ADAMTS19: variants seen among roughly 807,000 people sequenced by gnomAD.
ADAMTS19 encodes ADAM metallopeptidase with thrombospondin type 1 motif 19, also known as A disintegrin and metalloproteinase with thrombospondin motifs 19.
In ADAMTS19, 93 loss-of-function variants were observed where a neutral mutation model predicts 153.3. The ratio of observed to expected loss-of-function variants is 0.61; its 90% CI spans 0.51 to 0.72. The LOEUF (loss-of-function observed/expected upper bound fraction) is 0.72, where lower values mean the gene tolerates loss of function less well. Ranked by LOEUF, ADAMTS19 falls within the 30% of genes least tolerant of loss-of-function variation. ADAMTS19 has a pLI of 0.00. For missense variants in ADAMTS19, 1,482 were observed against 1,552.1 expected (o/e 0.95, Z 0.76); for synonymous variants, 600 against 556.6 (o/e 1.08, Z -1.10).
At chr5:129,710,481 A>G (rs748615503) in intron 21 of ADAMTS19, among the ~76,000 whole-genome samples, 10 of 152,182 alleles carry the variant, frequency 6.6e-5, no homozygotes, top group Non-Finnish European at 1.3e-4. Context: ...CAGCCAACAA[A>G]CATGAAAAAA....
Position 129,460,371 on chromosome 5 carries a change from C to T in ADAMTS19, c.-21C>T. 1.9e-6 allele frequency: 3 copies of T among 1,606,558 alleles called. No individual in the cohort carries two copies. The highest frequency in any genetic ancestry group is 2.2e-5 in the South Asian group (2 of 90,934). Reference sequence around the variant, plus strand: ...CTGGAGGCGTGCGCCGGGCGAGAAGCCGCGGCCGCGGGAGCGCAGTATGGG... The same window carrying T: ...CTGGAGGCGTGCGCCGGGCGAGAAGTCGCGGCCGCGGGAGCGCAGTATGGG... On this transcript the variant is annotated 5_prime_UTR_variant, in exon 1 of 23. Transcript: ENST00000274487.
intron 7 of ADAMTS19, among the ~76,000 whole-genome samples, chr5:129,578,037 T>TACACAC (rs1442219801): frequency 4.0e-5 from 4 of 100,516 alleles, no homozygotes; most frequent in East Asian, 5.3e-4. Flanking sequence ...TTTTCAAACT[T>TACACAC]ACATACACAC....
intron 3 of ADAMTS19, among the ~76,000 whole-genome samples, chr5:129,512,117 C>T (rs988639956): frequency 1.1e-3 from 162 of 152,076 alleles, no homozygotes; most frequent in African/African-American, 3.8e-3. Flanking sequence ...GTGACATTAT[C>T]AGTTTGTATT....
At chr5:129,532,864 C>T (rs559867611) in intron 6 of ADAMTS19, among the ~76,000 whole-genome samples, 4 of 151,980 alleles carry the variant, frequency 2.6e-5, no homozygotes, top group Non-Finnish European at 5.9e-5. Context: ...TTTGGGAGGC[C>T]TAGGCAGGCA....
intron 6 of ADAMTS19, among the ~76,000 whole-genome samples, chr5:129,539,145 T>A (rs1211782589): frequency 2.0e-5 from 3 of 152,076 alleles, no homozygotes; most frequent in African/African-American, 7.2e-5. Flanking sequence ...CACGTTCTAA[T>A]CTCCAGAACC....
At chr5:129,634,328 G>A (rs1418561904) in intron 10 of ADAMTS19, among the ~76,000 whole-genome samples, 2 of 152,272 alleles carry the variant, frequency 1.3e-5, no homozygotes, top group African/African-American at 4.8e-5. Context: ...TGTATAGGAA[G>A]AATCAGTATT....
intron 17 of ADAMTS19, 110 bp downstream of exon 17, chr5:129,680,031 T>C (rs1310788883): frequency 4.2e-6 from 5 of 1,178,212 alleles, no homozygotes; most frequent in Non-Finnish European, 4.6e-6. Context: ...CACAGACATT[T>C]AAAATTATTT....
At chr5:129,702,935 A>AT (rs1755954835) in intron 20 of ADAMTS19, among the ~76,000 whole-genome samples, 1 of 14,770 alleles carries the variant, frequency 6.8e-5, no homozygotes, top group South Asian at 1.8e-3. Flanking sequence ...TTGCCAAAAA[A>AT]AAAAAAATAT....
chr5:129,570,203 A>G lies in ADAMTS19; in HGVS notation c.1372+18296A>G, dbSNP rs568132847. ...TAGCAAGTATGACAAAGAAAAATAG[A>G]AAGTAGAAACAGTTTACTGATACCA... On this transcript the variant is annotated intron_variant, in intron 7 of 22. Transcript: ENST00000274487. 1.4e-3 allele frequency among the ~76,000 whole-genome samples: 220 copies of G among 152,066 alleles called. 4 individuals are homozygous for G. The highest frequency in any genetic ancestry group is 5.0e-3 in the African/African-American group (208 of 41,532).
At chr5:129,524,791 A>T (rs557924687) in intron 3 of ADAMTS19, among the ~76,000 whole-genome samples, 60 of 151,862 alleles carry the variant, frequency 4.0e-4, no homozygotes, top group Non-Finnish European at 8.4e-4. Context: ...AGAAAATATC[A>T]ACACCACAGA....
At chr5:129,540,828 T>C (rs919719364) in intron 6 of ADAMTS19, among the ~76,000 whole-genome samples, 5 of 152,072 alleles carry the variant, frequency 3.3e-5, no homozygotes, top group Non-Finnish European at 5.9e-5. Flanking sequence ...TTTATTGGCC[T>C]TCCCAGTTGC....
At chr5:129,648,758 T>C (rs770892486) in intron 12 of ADAMTS19, 40 bp from the exon 13 acceptor site, 1 of 1,577,080 alleles carries the variant, frequency 6.3e-7, no homozygotes, top group Non-Finnish European at 8.7e-7. Flanking sequence ...GTAGTTAACA[T>C]AAAAAACATA....
chr5:129,590,003 C>T (rs999220787), intron 7 of ADAMTS19, among the ~76,000 whole-genome samples: 3 of 152,062 alleles, frequency 2.0e-5, no homozygotes, highest in Non-Finnish European at 4.4e-5. Flanking sequence ...TTCTAGCATT[C>T]TCAGATTTTT....
At position 129,701,445 on chromosome 5, in the gene ADAMTS19, C is replaced by T. The variant is rs188337533; in HGVS notation, c.3012C>T (p.Ser1004=). Residue 1004 remains serine, a synonymous_variant, in exon 20 of 23, where the codon AGC becomes AGT. Transcript: ENST00000274487. ...CSRTCGKGMQ[S]RQVACTQQLS... is the part of the protein sequence containing the mutation. ...GAACTTGTGGAAAAGGAATGCAGAGCAGACAAGTGGCCTGTACCCAACAAC... is the reference window on the plus strand; with the variant it reads ...GAACTTGTGGAAAAGGAATGCAGAGTAGACAAGTGGCCTGTACCCAACAAC... 74 of 1,614,176 alleles carry T rather than the reference C, an allele frequency of 4.6e-5. No homozygotes were observed. The highest frequency in any genetic ancestry group is 5.8e-5 in the Non-Finnish European group (68 of 1,180,034).
chr5:129,531,387 G>A (rs561826898), intron 6 of ADAMTS19, among the ~76,000 whole-genome samples: 1 of 152,278 alleles, frequency 6.6e-6, no homozygotes, highest in African/African-American at 2.4e-5. Flanking sequence ...CACTTTGGGT[G>A]GCTGAGGTGG....
At chr5:129,464,110 G>A (rs1749778873) in intron 2 of ADAMTS19, among the ~76,000 whole-genome samples, 1 of 152,218 alleles carries the variant, frequency 6.6e-6, no homozygotes, top group African/African-American at 2.4e-5. Context: ...AGGAGACTGA[G>A]TGCAGGCATG....
At chr5:129,712,186 G>T (rs891119587) in intron 21 of ADAMTS19, among the ~76,000 whole-genome samples, 2 of 152,072 alleles carry the variant, frequency 1.3e-5, no homozygotes, top group Admixed American at 1.3e-4. Flanking sequence ...AAATAATCAT[G>T]TAAGACAGGA....
rs1452965998 is a variant in ADAMTS19, at chr5:129,738,349, T to G, written c.*1131T>G. 6.6e-6 allele frequency: 1 copy of G among 152,092 alleles called. No homozygotes were observed. Among genetic ancestry groups the G allele is most frequent in the African/African-American group, 2.4e-5 (1 of 41,446 alleles). 9.4% of individuals were successfully genotyped at this position (152,092 alleles called of 1,614,324 possible). A position where few individuals can be genotyped will look rare whatever the true frequency, so the allele number is the denominator to read the frequency against. The stretch of plus-strand genomic sequence containing the variant: ...AAAACTTCCCACTGAGAGACAATTC[T>G]TCATAGACTTGTCACATATCCACAT... On this transcript the variant is annotated 3_prime_UTR_variant, in exon 23 of 23. Transcript: ENST00000274487.
At chr5:129,532,380 T>G (rs1404863135) in intron 6 of ADAMTS19, among the ~76,000 whole-genome samples, 2 of 152,092 alleles carry the variant, frequency 1.3e-5, no homozygotes, top group African/African-American at 2.4e-5. Flanking sequence ...CTCAACATCA[T>G]TAGTACTCAG....
Sources: allele counts gnomAD v4.1 joint callset (sites outside exome capture counted in the v4.1 genomes callset), GRCh38; gene constraint gnomAD v4.1.1; transcripts MANE v1.5; gene names NCBI Gene and HGNC (gene_info 2026-07-23, HGNC 2026-07-21).